The following FGF12 variants were observed in gnomAD, a reference collection of about 807,000 sequenced individuals.
FGF12 encodes fibroblast growth factor 12.
Under a neutral mutation model 23.6 loss-of-function variants are expected in FGF12, and 14 were observed. That is an observed-to-expected ratio of 0.59 (90% confidence interval 0.39 to 0.93). The LOEUF (loss-of-function observed/expected upper bound fraction) is 0.93, where lower values mean the gene tolerates loss of function less well. FGF12 is among the 40% of genes least tolerant of loss of function. FGF12 has a pLI of 0.00. For missense variants in FGF12, 175 were observed against 217.8 expected, an observed-to-expected ratio of 0.80 and a Z score of 1.24; for synonymous variants, 62 against 77.3, an observed-to-expected ratio of 0.80 and a Z score of 1.04.
At chr3:192,592,101 A>T (rs1713651025) in intron 2 of FGF12, among the ~76,000 whole-genome samples, 1 of 151,864 alleles carries the variant, frequency 6.6e-6, no homozygotes, top group Non-Finnish European at 1.5e-5. Flanking sequence ...ATACCTGGAT[A>T]CTTTTACCTA....
chr3:192,527,302 T>C (rs1033454973), intron 2 of FGF12, among the ~76,000 whole-genome samples: 1 of 152,228 alleles, frequency 6.6e-6, no homozygotes, highest in African/African-American at 2.4e-5. Flanking sequence ...CAGTCTGTGA[T>C]ATTCTGTTAT....
At chr3:192,225,356 C>T (rs1249444203) in intron 4 of FGF12, among the ~76,000 whole-genome samples, 1 of 152,006 alleles carries the variant, frequency 6.6e-6, no homozygotes, top group Admixed American at 6.6e-5. Context: ...ATAATCATCT[C>T]GTCTTTGATT....
chr3:192,296,062 CTTTTTTTT>C (rs34021285), intron 4 of FGF12, among the ~76,000 whole-genome samples: 1 of 78,092 alleles, frequency 1.3e-5, no homozygotes, highest in Non-Finnish European at 2.4e-5. Context: ...GTTTTTCTTT[CTTTTTTTT>C]TTTTTTTTTT....
intron 2 of FGF12, among the ~76,000 whole-genome samples, chr3:192,414,656 C>T (rs990629906): frequency 6.6e-6 from 1 of 152,120 alleles, no homozygotes; most frequent in Non-Finnish European, 1.5e-5. Context: ...AATGTGATCG[C>T]CCAAGGTCAT....
chr3:192,168,474 T>C (rs1468507305), intron 5 of FGF12, among the ~76,000 whole-genome samples: 2 of 152,194 alleles, frequency 1.3e-5, no homozygotes, highest in Non-Finnish European at 2.9e-5. Flanking sequence ...TAAGTTTAAA[T>C]ATTAGCTTCT....
intron 4 of FGF12, among the ~76,000 whole-genome samples, chr3:192,307,736 A>C (rs1313086668): frequency 6.6e-6 from 1 of 152,250 alleles, no homozygotes; most frequent in Admixed American, 6.5e-5. Flanking sequence ...TCAAAGAGTT[A>C]TATTTACTGC....
intron 2 of FGF12, among the ~76,000 whole-genome samples, chr3:192,396,836 C>T (rs2108766639): frequency 6.6e-6 from 1 of 152,278 alleles, no homozygotes; most frequent in South Asian, 2.1e-4. Context: ...CAAAGAAAAC[C>T]AGCTTCAGAC....
chr3:192,490,817 C>G (rs541864312), intron 2 of FGF12, among the ~76,000 whole-genome samples: 7 of 152,082 alleles, frequency 4.6e-5, no homozygotes, highest in Non-Finnish European at 8.8e-5. Context: ...TTCATTGATT[C>G]AAGTTTTCAA....
chr3:192,606,013 T>C (rs1172401702), intron 2 of FGF12, among the ~76,000 whole-genome samples: 1 of 152,166 alleles, frequency 6.6e-6, no homozygotes, highest in Non-Finnish European at 1.5e-5. Flanking sequence ...CAATCCCCAT[T>C]ACTGGGTATA....
intron 2 of FGF12, among the ~76,000 whole-genome samples, chr3:192,660,729 A>G (rs61413473): frequency 0.56 from 85,415 of 151,922 alleles, 24,444 homozygotes; most frequent in East Asian, 0.67. Flanking sequence ...TTTAGGCAGA[A>G]CCATACTAAT....
chr3:192,402,240 G>T (rs1484408917), intron 2 of FGF12, among the ~76,000 whole-genome samples: 1 of 152,216 alleles, frequency 6.6e-6, no homozygotes, highest in South Asian at 2.1e-4. Context: ...CTGGCCCTCT[G>T]GGCCCAAGTC....
At chr3:192,599,245 A>T (rs1048062702) in intron 2 of FGF12, among the ~76,000 whole-genome samples, 1 of 142,198 alleles carries the variant, frequency 7.0e-6, no homozygotes, top group Admixed American at 6.9e-5. Flanking sequence ...CGTACCCCAG[A>T]ACTTGAAGTA....
At chr3:192,320,993 A>T (rs1716503029) in intron 4 of FGF12, among the ~76,000 whole-genome samples, 1 of 152,160 alleles carries the variant, frequency 6.6e-6, no homozygotes, top group Admixed American at 6.5e-5. Flanking sequence ...AATTTAAAAA[A>T]ATACAGAAAT....
chr3:192,448,329 A>G (rs1722422536), intron 2 of FGF12, among the ~76,000 whole-genome samples: 1 of 152,226 alleles, frequency 6.6e-6, no homozygotes, highest in Non-Finnish European at 1.5e-5. Context: ...GCACTCTGCA[A>G]AAAATTCATT....
chr3:192,265,832 C>T (rs2108622358), intron 4 of FGF12, among the ~76,000 whole-genome samples: 1 of 152,044 alleles, frequency 6.6e-6, no homozygotes, highest in East Asian at 1.9e-4. Context: ...CTCTCTCTGA[C>T]ACAATAATGA....
chr3:192,159,943 A>AGT (rs10575323), intron 5 of FGF12, among the ~76,000 whole-genome samples: 9,586 of 149,228 alleles, frequency 0.064, 355 homozygotes, highest in African/African-American at 0.094. Context: ...ATATTTAAGT[A>AGT]GTGTGTGTGT....
At chr3:192,170,998 TGTAAATAA>T (rs1484033151) in intron 4 of FGF12, among the ~76,000 whole-genome samples, 1 of 152,124 alleles carries the variant, frequency 6.6e-6, no homozygotes, top group East Asian at 1.9e-4. Context: ...ACCCTTAACA[TGTAAATAA>T]GGAACTAAAA....
intron 2 of FGF12, among the ~76,000 whole-genome samples, chr3:192,442,799 GTAT>G (rs1482885162): frequency 7.3e-5 from 11 of 150,374 alleles, no homozygotes; most frequent in East Asian, 3.9e-4. Flanking sequence ...GGAGCCACAT[GTAT>G]TCTATCTTTT....
rs370348121 is a variant in FGF12, at chr3:192,691,823, G to A, written c.13+35358C>T. Among the ~76,000 whole-genome samples, 17 of 151,540 alleles carry A rather than the reference G, an allele frequency of 1.1e-4. No individual in the cohort carries two copies. In the South Asian group the frequency reaches 1.9e-3, roughly 17 times the overall value. ...TAAAAAAAGACACGAGATAAAAAACGAAAGTGGAAACATTACAATAAATGC... is the reference window on the plus strand; with the variant it reads ...TAAAAAAAGACACGAGATAAAAAACAAAAGTGGAAACATTACAATAAATGC... On this transcript the variant is annotated intron_variant, in intron 2 of 5. Coordinates refer to ENST00000445105, the MANE Select transcript of FGF12 (RefSeq NM_004113.6).
Sources: gnomAD v4.1 joint callset for allele counts (sites outside exome capture counted in the v4.1 genomes callset) on GRCh38, gnomAD v4.1.1 for gene constraint, MANE v1.5 for transcripts, NCBI Gene and HGNC (gene_info 2026-07-23, HGNC 2026-07-21) for gene names.